LYN: variants seen among roughly 807,000 people sequenced by gnomAD.
The protein encoded by LYN is LYN proto-oncogene, Src family tyrosine kinase, also known as tyrosine-protein kinase Lyn.
Under a neutral mutation model 65.0 loss-of-function variants are expected in LYN, and 12 were observed. That is an observed-to-expected ratio of 0.18 (90% CI 0.12 to 0.30). The LOEUF is 0.30. Ranked by LOEUF, LYN falls within the 10% of genes least tolerant of loss-of-function variation. The probability of loss-of-function intolerance (pLI) is 1.00; values close to 1 mark genes in which losing one functional copy is unlikely to be tolerated. For synonymous variants in LYN, 222 were observed against 221.2 expected (o/e 1.00, Z -0.03); for missense variants, 380 against 623.2 (o/e 0.61, Z 4.16).
At chr8:55,949,231 T>G (rs886161035) in intron 4 of LYN, among the ~76,000 whole-genome samples, 24 of 152,352 alleles carry the variant, frequency 1.6e-4, no homozygotes, top group Admixed American at 5.9e-4. Context: ...CAGTATTCCC[T>G]TGACTCTCAT....
rs1805596177 is a variant in LYN, at chr8:55,911,106, CGTATATATACGT to C, written c.-5-30748_-5-30737del. Among the ~76,000 whole-genome samples, 6 of 1,052 alleles carry C rather than the reference CGTATATATACGT, an allele frequency of 5.7e-3. 2 individuals carry two copies. The highest frequency in any genetic ancestry group is 0.01 in the African/African-American group (3 of 286). The allele number at this position is 1,052 out of a possible 152,430, so 0.7% of individuals were successfully genotyped here. On this transcript the variant is annotated intron_variant, in intron 1 of 12. Coordinates refer to ENST00000519728, the MANE Select transcript of LYN (RefSeq NM_002350.4). Reference sequence around the variant, plus strand: ...ACATATATATATATATATACATACACGTATATATACGTATATATATACACATACATATATATA... The same window carrying C: ...ACATATATATATATATATACATACACATATATATACACATACATATATATA...
At chr8:55,882,002 GC>G (rs912027190) in intron 1 of LYN, among the ~76,000 whole-genome samples, 7 of 152,188 alleles carry the variant, frequency 4.6e-5, no homozygotes, top group Non-Finnish European at 8.8e-5. Flanking sequence ...GGTGTTTGAA[GC>G]CTACTGGCCC....
intron 10 of LYN, among the ~76,000 whole-genome samples, chr8:55,991,973 A>G (rs930675907): frequency 2.6e-5 from 4 of 152,370 alleles, no homozygotes; most frequent in South Asian, 2.1e-4. Flanking sequence ...CCTCACTGAC[A>G]TCGTCTCTTT....
At chr8:55,927,613 T>C (rs1299616662) in intron 1 of LYN, among the ~76,000 whole-genome samples, 2 of 152,130 alleles carry the variant, frequency 1.3e-5, no homozygotes, top group Non-Finnish European at 2.9e-5. Context: ...GGCAGGCGGA[T>C]CACTTGCAGT....
At chr8:55,996,212 A>G (rs1393424344) in intron 10 of LYN, among the ~76,000 whole-genome samples, 1 of 152,228 alleles carries the variant, frequency 6.6e-6, no homozygotes, top group African/African-American at 2.4e-5. Context: ...CACATTGACC[A>G]TCTAGGGTGA....
chr8:55,939,360 TA>T (rs1196725392), intron 1 of LYN, among the ~76,000 whole-genome samples: 2 of 152,194 alleles, frequency 1.3e-5, no homozygotes, highest in Admixed American at 1.3e-4. Flanking sequence ...GGAAAGAAAT[TA>T]AGCATAAATA....
intron 1 of LYN, among the ~76,000 whole-genome samples, chr8:55,915,159 C>G (rs530714108): frequency 6.6e-6 from 1 of 152,152 alleles, no homozygotes; most frequent in Non-Finnish European, 1.5e-5. Flanking sequence ...CAGTTTCCAT[C>G]GCTGTGTTGC....
At position 56,011,804 on chromosome 8, in the gene LYN, G is replaced by GT; in HGVS notation, c.*1696dup. On this transcript the variant is annotated 3_prime_UTR_variant, in exon 13 of 13. Transcript: ENST00000519728. ...ATGTTCAGAACTATAGAATATTACT[G>GT]TTACATAATGTCTGCACAGCTGGTC... The GT allele has an allele frequency of 5.5e-6, 1 of 181,770 alleles. No individual in the cohort carries two copies. The highest frequency in any genetic ancestry group is 9.0e-5 in the East Asian group (1 of 11,080). The allele number at this position is 181,770 out of a possible 1,614,324, so 11.3% of individuals were successfully genotyped here. A position where few individuals can be genotyped will look rare whatever the true frequency, so the allele number is the denominator to read the frequency against.
chr8:55,978,467 A>G (rs1050855568), intron 10 of LYN, among the ~76,000 whole-genome samples: 1 of 152,254 alleles, frequency 6.6e-6, no homozygotes, highest in African/African-American at 2.4e-5. Context: ...GCCATGAAAC[A>G]TCAGCTAGAG....
chr8:55,926,495 G>T (rs2130443229), intron 1 of LYN, among the ~76,000 whole-genome samples: 1 of 152,336 alleles, frequency 6.6e-6, no homozygotes, highest in South Asian at 2.1e-4. Context: ...TAGGAGTGAT[G>T]ACTTTATTAT....
In LYN at chr8:56,011,928, A is replaced by G. The variant is rs757368307; in HGVS notation, c.*1818A>G. ...AATATGTTACATGGAGAGGAACTAT[A>G]AAGAATCCCTAAGGCAAAAAGAAGT... On this transcript the variant is annotated 3_prime_UTR_variant, in exon 13 of 13. Coordinates refer to ENST00000519728, the MANE Select transcript of LYN (RefSeq NM_002350.4). The G allele has an allele frequency of 2.1e-5, 4 of 188,032 alleles. No homozygotes were observed. The highest frequency in any genetic ancestry group is 6.2e-5 in the Admixed American group (1 of 16,136). The allele number at this position is 188,032 out of a possible 1,614,324, so 11.6% of individuals were successfully genotyped here.
At chr8:55,960,620 A>T (rs768869403) in intron 8 of LYN, among the ~76,000 whole-genome samples, 1 of 152,204 alleles carries the variant, frequency 6.6e-6, no homozygotes, top group Non-Finnish European at 1.5e-5. Flanking sequence ...GAGCTGCTAG[A>T]ATTTAGTTTT....
At chr8:55,894,519 G>A (rs1805037112) in intron 1 of LYN, among the ~76,000 whole-genome samples, 1 of 150,122 alleles carries the variant, frequency 6.7e-6, no homozygotes, top group Non-Finnish European at 1.5e-5. Flanking sequence ...ACAGGCATGT[G>A]CCACTACACC....
chr8:55,879,995 C>T lies in LYN; in HGVS notation c.-114C>T. 3.5e-6 allele frequency: 1 copy of T among 284,972 alleles called. No individual in the cohort carries two copies. Among genetic ancestry groups the T allele is most frequent in the Non-Finnish European group, 7.3e-6 (1 of 137,574 alleles). 17.7% of individuals were successfully genotyped at this position (284,972 alleles called of 1,614,324 possible). ...CTCGCCGCGCGTCCAGCGTTCCCGG[C>T]CAGCAGCCTCCCCATACGCAGGTCC... is the stretch of plus-strand genomic sequence containing the variant. On this transcript the variant is annotated 5_prime_UTR_variant, in exon 1 of 13. Transcript: ENST00000519728.
At chr8:55,919,459 A>T (rs1026976378) in intron 1 of LYN, among the ~76,000 whole-genome samples, 13 of 151,850 alleles carry the variant, frequency 8.6e-5, no homozygotes, top group African/African-American at 3.1e-4. Flanking sequence ...GGGTCTGGAA[A>T]CCCTCCCTCT....
At position 55,894,375 on chromosome 8, in the gene LYN, A is replaced by ATTT. The variant is rs34910040; in HGVS notation, c.-6+14283_-6+14285dup. On this transcript the variant is annotated intron_variant, in intron 1 of 12. Coordinates refer to ENST00000519728, the MANE Select transcript of LYN (RefSeq NM_002350.4). ...CCACTGTGCCAGATTAACTTTCTTAATTTTTTTTTTTTTGAGACAGTGGTC... is the reference window on the plus strand; with the variant it reads ...CCACTGTGCCAGATTAACTTTCTTAATTTTTTTTTTTTTTTTGAGACAGTGGTC... 9.6e-4 allele frequency among the ~76,000 whole-genome samples: 139 copies of ATTT among 144,986 alleles called. 2 individuals carry two copies. Among genetic ancestry groups the ATTT allele is most frequent in the East Asian group, 8.1e-4 (4 of 4,912 alleles).
intron 8 of LYN, among the ~76,000 whole-genome samples, chr8:55,956,812 G>T (rs562603026): frequency 2.0e-5 from 3 of 152,268 alleles, no homozygotes; most frequent in African/African-American, 7.2e-5. Context: ...AACCAGGATC[G>T]CAATCACACT....
intron 1 of LYN, among the ~76,000 whole-genome samples, chr8:55,902,359 G>A (rs914800864): frequency 1.2e-4 from 17 of 138,462 alleles, no homozygotes; most frequent in Non-Finnish European, 2.3e-4. Flanking sequence ...ATGGAATTTC[G>A]CTCTGTAGCC....
At chr8:56,008,452 T>G (rs77011725) in intron 12 of LYN, among the ~76,000 whole-genome samples, 4,003 of 152,306 alleles carry the variant, frequency 0.026, 161 homozygotes, top group African/African-American at 0.085. Context: ...ATGACATACA[T>G]TCTTCTCTAG....
Sources: gnomAD v4.1 joint callset for allele counts (sites outside exome capture counted in the v4.1 genomes callset) on GRCh38, gnomAD v4.1.1 for gene constraint, MANE v1.5 for transcripts, NCBI Gene and HGNC (gene_info 2026-07-23, HGNC 2026-07-21) for gene names.